The following SGMS1 variants were observed in gnomAD, a reference collection of about 807,000 sequenced individuals.
SGMS1 encodes sphingomyelin synthase 1.
A neutral mutation model predicts 46.2 loss-of-function variants in SGMS1; 13 were observed. The observed-to-expected ratio is 0.28, with a 90% CI of 0.18 to 0.45. The LOEUF (loss-of-function observed/expected upper bound fraction) is 0.45. Among genes scored for constraint, SGMS1 ranks in the 20% least tolerant of loss-of-function variants. The pLI, the probability that SGMS1 is intolerant of heterozygous loss-of-function variation, is 1.00. For missense variants in SGMS1, 324 were observed against 519.9 expected (o/e 0.62, Z 3.66); for synonymous variants, 203 against 187.8 (o/e 1.08, Z -0.66).
intron 5 of SGMS1, among the ~76,000 whole-genome samples, chr10:50,453,012 G>A (rs1264796259): frequency 6.6e-6 from 1 of 152,038 alleles, no homozygotes; most frequent in Non-Finnish European, 1.5e-5. Flanking sequence ...AATACTCTCT[G>A]GAAAAATCTA....
At chr10:50,479,257 G>C (rs903421932) in intron 3 of SGMS1, among the ~76,000 whole-genome samples, 1 of 152,020 alleles carries the variant, frequency 6.6e-6, no homozygotes, top group African/African-American at 2.4e-5. Context: ...AAAGATAAGT[G>C]TCCATCCAGG....
chr10:50,351,946 G>A (rs1462559461), intron 6 of SGMS1, among the ~76,000 whole-genome samples: 3 of 151,970 alleles, frequency 2.0e-5, no homozygotes, highest in East Asian at 1.9e-4. Flanking sequence ...TGCCCAATTC[G>A]GTCCACAGTG....
intron 9 of SGMS1, among the ~76,000 whole-genome samples, chr10:50,308,742 T>C (rs1847212416): frequency 6.6e-6 from 1 of 152,176 alleles, no homozygotes; most frequent in South Asian, 2.1e-4. Context: ...TGTATCCCCA[T>C]TTGGGAAATT....
At chr10:50,455,139 GACTA>G (rs2133672887) in intron 5 of SGMS1, among the ~76,000 whole-genome samples, 2 of 152,206 alleles carry the variant, frequency 1.3e-5, no homozygotes, top group East Asian at 3.9e-4. Flanking sequence ...CTAGATAAAT[GACTA>G]ACAGAATGAA....
intron 1 of SGMS1, among the ~76,000 whole-genome samples, chr10:50,605,404 T>A (rs1476696147): frequency 6.6e-6 from 1 of 152,208 alleles, no homozygotes; most frequent in Non-Finnish European, 1.5e-5. Flanking sequence ...CCAGTGAGCA[T>A]TTAACCAGCT....
At chr10:50,557,806 TC>T (rs1172470023) in intron 2 of SGMS1, among the ~76,000 whole-genome samples, 1 of 152,096 alleles carries the variant, frequency 6.6e-6, no homozygotes, top group Non-Finnish European at 1.5e-5. Flanking sequence ...CATAGGAGAC[TC>T]TACCCACTAC....
At chr10:50,460,330 C>A (rs1303311635) in intron 5 of SGMS1, among the ~76,000 whole-genome samples, 2 of 152,166 alleles carry the variant, frequency 1.3e-5, no homozygotes, top group Non-Finnish European at 2.9e-5. Context: ...GACACATTTG[C>A]TGAGCTTTGA....
At chr10:50,342,898 C>T (rs1233348566) in intron 7 of SGMS1, 1 of 152,186 alleles carries the variant, frequency 6.6e-6, no homozygotes, top group East Asian at 1.9e-4. Flanking sequence ...GCAACAGTCA[C>T]ATATTGTTTT....
chr10:50,353,759 A>G (rs1416446497), intron 6 of SGMS1, among the ~76,000 whole-genome samples: 2 of 152,282 alleles, frequency 1.3e-5, no homozygotes, highest in African/African-American at 4.8e-5. Context: ...TACAAAATCA[A>G]TGTGCAAAAA....
At chr10:50,394,408 G>A (rs1359897357) in intron 6 of SGMS1, among the ~76,000 whole-genome samples, 1 of 152,220 alleles carries the variant, frequency 6.6e-6, no homozygotes, top group Non-Finnish European at 1.5e-5. Flanking sequence ...TGACACTACA[G>A]ATGCGTTCTG....
intron 3 of SGMS1, among the ~76,000 whole-genome samples, chr10:50,485,992 T>G (rs1193728492): frequency 6.6e-6 from 1 of 152,146 alleles, no homozygotes; most frequent in African/African-American, 2.4e-5. Context: ...TGGAACAGAA[T>G]AGAGTACTTA....
intron 3 of SGMS1, among the ~76,000 whole-genome samples, chr10:50,495,654 TA>T (rs1218684554): frequency 6.6e-6 from 1 of 152,140 alleles, no homozygotes; most frequent in Non-Finnish European, 1.5e-5. Context: ...AAGGTTTAAG[TA>T]GGGGGCTGGC....
intron 5 of SGMS1, among the ~76,000 whole-genome samples, chr10:50,459,652 C>T: frequency 6.6e-6 from 1 of 152,214 alleles, no homozygotes; most frequent in East Asian, 1.9e-4. Context: ...GATCTGCCCG[C>T]CTTGGTCTCC....
chr10:50,320,977 C>T (rs752535338), intron 8 of SGMS1, among the ~76,000 whole-genome samples: 9 of 152,174 alleles, frequency 5.9e-5, no homozygotes, highest in Non-Finnish European at 1.0e-4. Context: ...AGGGAGAAGG[C>T]GCTTGTCTTA....
chr10:50,436,988 G>A (rs1000702654), intron 5 of SGMS1, among the ~76,000 whole-genome samples: 27 of 152,176 alleles, frequency 1.8e-4, no homozygotes, highest in Admixed American at 3.9e-4. Context: ...ATTTCTGTAA[G>A]CCTCAGTTTC....
chr10:50,547,034 A>C (rs553431601), intron 2 of SGMS1, among the ~76,000 whole-genome samples: 6 of 152,288 alleles, frequency 3.9e-5, no homozygotes, highest in African/African-American at 1.4e-4. Flanking sequence ...AAATGAGCCT[A>C]ACAGAGACTC....
intron 6 of SGMS1, among the ~76,000 whole-genome samples, chr10:50,433,257 C>T (rs1849428694): frequency 6.6e-6 from 1 of 152,198 alleles, no homozygotes; most frequent in African/African-American, 2.4e-5. Flanking sequence ...AATTGACACA[C>T]TCAACTTAAA....
intron 5 of SGMS1, among the ~76,000 whole-genome samples, chr10:50,440,011 A>G (rs1849520447): frequency 6.6e-6 from 1 of 152,184 alleles, no homozygotes; most frequent in Non-Finnish European, 1.5e-5. Context: ...TATTTTCAGC[A>G]CAAGTAACCA....
At chr10:50,427,127 A>C (rs975884230) in intron 6 of SGMS1, among the ~76,000 whole-genome samples, 2 of 152,218 alleles carry the variant, frequency 1.3e-5, no homozygotes, top group Non-Finnish European at 2.9e-5. Context: ...GGCCGGGCAC[A>C]GTGGCTCATG....
Sources: allele counts gnomAD v4.1 joint callset (sites outside exome capture counted in the v4.1 genomes callset), GRCh38; gene constraint gnomAD v4.1.1; transcripts MANE v1.5; gene names NCBI Gene and HGNC (gene_info 2026-07-23, HGNC 2026-07-21).